The following ST3GAL3 variants were observed in gnomAD, a reference collection of about 807,000 sequenced individuals.
ST3GAL3 encodes ST3 beta-galactoside alpha-2,3-sialyltransferase 3, also known as CMP-N-acetylneuraminate-beta-1,4-galactoside alpha-2,3-sialyltransferase.
In ST3GAL3, 21 loss-of-function variants were observed where a neutral mutation model predicts 50.1. That is an observed-to-expected ratio of 0.42 (90% CI 0.30 to 0.60). ST3GAL3 has a LOEUF of 0.60. ST3GAL3 is among the 20% of genes least tolerant of loss of function. The probability of loss-of-function intolerance (pLI) is 0.19; values close to 1 mark genes in which losing one functional copy is unlikely to be tolerated. For synonymous variants in ST3GAL3, 183 were observed against 190.0 expected (o/e 0.96, Z 0.30); for missense variants, 353 against 489.4 (o/e 0.72, Z 2.63).
At chr1:43,812,109 A>G (rs2060629241) in intron 3 of ST3GAL3, among the ~76,000 whole-genome samples, 1 of 152,218 alleles carries the variant, frequency 6.6e-6, no homozygotes, top group South Asian at 2.1e-4. Context: ...GTCAACAAAT[A>G]TTTATTGAGC....
intron 3 of ST3GAL3, among the ~76,000 whole-genome samples, chr1:43,797,244 A>T (rs1467074537): frequency 6.6e-6 from 1 of 152,224 alleles, no homozygotes; most frequent in Non-Finnish European, 1.5e-5. Context: ...TGAAGGTCTT[A>T]GCAAACAAAA....
intron 1 of ST3GAL3, among the ~76,000 whole-genome samples, chr1:43,728,794 C>A (rs542472561): frequency 6.1e-4 from 93 of 152,264 alleles, no homozygotes; most frequent in Non-Finnish European, 1.1e-3. Context: ...ACTATCCTCA[C>A]TATATTTATT....
In ST3GAL3 at chr1:43,816,876, TAGTCCAGTGCTGTCTTCAGA is replaced by T. The variant is rs1279926231; in HGVS notation, c.209+1959_209+1978del. ...CTGCCTCTAGCTGCAAAGGTTTTTC[TAGTCCAGTGCTGTCTTCAGA>T]AGTCCAGTGCTGTCTCTCCTGTCTC... On this transcript the variant is annotated intron_variant, in intron 4 of 11. Transcript: ENST00000347631. Among the ~76,000 whole-genome samples, 6 of 152,328 alleles carry T rather than the reference TAGTCCAGTGCTGTCTTCAGA, an allele frequency of 3.9e-5. No homozygotes were observed. In the East Asian group the frequency reaches 1.2e-3, roughly 29 times the overall value.
chr1:43,761,794 C>CA (rs879756433), intron 2 of ST3GAL3, among the ~76,000 whole-genome samples: 1 of 150,468 alleles, frequency 6.6e-6, no homozygotes, highest in Non-Finnish European at 1.5e-5. Context: ...ACTAAAAATA[C>CA]AAAAAAATTA....
chr1:43,881,257 C>T (rs146529819), intron 5 of ST3GAL3, among the ~76,000 whole-genome samples: 1,565 of 152,288 alleles, frequency 0.01, 30 homozygotes, highest in African/African-American at 0.036. Context: ...GTGATCCACC[C>T]GCCTCAGCCT....
At chr1:43,730,934 A>T (rs1430199149) in intron 1 of ST3GAL3, among the ~76,000 whole-genome samples, 1 of 152,162 alleles carries the variant, frequency 6.6e-6, no homozygotes. Context: ...TGGATAAATA[A>T]ATACCTTGTC....
intron 2 of ST3GAL3, among the ~76,000 whole-genome samples, chr1:43,762,419 T>C (rs1488939062): frequency 1.3e-5 from 2 of 152,146 alleles, no homozygotes; most frequent in Non-Finnish European, 2.9e-5. Flanking sequence ...CTTAAATTAA[T>C]GCATGGCTAC....
chr1:43,746,585 C>T (rs1278884834), intron 2 of ST3GAL3, among the ~76,000 whole-genome samples: 1 of 151,248 alleles, frequency 6.6e-6, no homozygotes, highest in Non-Finnish European at 1.5e-5. Flanking sequence ...GCCTCAGCCT[C>T]CCGAGTAGCT....
chr1:43,899,649 C>A lies in ST3GAL3; in HGVS notation c.666C>A (p.Arg222=), dbSNP rs773310944. The A allele has an allele frequency of 1.2e-6, 2 of 1,614,040 alleles. No homozygotes were observed. The highest frequency in any genetic ancestry group is 2.2e-5 in the South Asian group (2 of 91,088). ...GAMQRPEQYE[R]DSLFVLAGFK... Reference sequence around the variant, plus strand: ...TGCAGCGGCCTGAGCAGTACGAGCGCGATTCTCTCTTTGTCCTCGCCGGCT... The same window carrying A: ...TGCAGCGGCCTGAGCAGTACGAGCGAGATTCTCTCTTTGTCCTCGCCGGCT... Residue 222 remains arginine, a synonymous_variant, in exon 9 of 12, where the codon CGC becomes CGA. Coordinates refer to ENST00000347631, the MANE Select transcript of ST3GAL3 (RefSeq NM_006279.5). This position sits in a 1 kb window ranked among gnomAD's most constrained non-coding sequence, Gnocchi z 5.4.
chr1:43,824,859 C>T, intron 4 of ST3GAL3: 1 of 921,538 alleles, frequency 1.1e-6, no homozygotes, highest in South Asian at 1.3e-5. Flanking sequence ...AGCGAGGACA[C>T]AGCCTTTGCA....
At chr1:43,813,648 T>A (rs1236320757) in intron 3 of ST3GAL3, among the ~76,000 whole-genome samples, 1 of 152,182 alleles carries the variant, frequency 6.6e-6, no homozygotes, top group African/African-American at 2.4e-5. Flanking sequence ...CTGGCCTTAA[T>A]TGGCCTTGCA....
At chr1:43,911,628 GATAT>G (rs1557496877) in intron 9 of ST3GAL3, among the ~76,000 whole-genome samples, 2 of 131,886 alleles carry the variant, frequency 1.5e-5, no homozygotes, top group African/African-American at 2.8e-5. Context: ...TATATCTATA[GATAT>G]CTATATCTAT....
intron 2 of ST3GAL3, among the ~76,000 whole-genome samples, chr1:43,791,267 G>A (rs2058042646): frequency 6.6e-6 from 1 of 152,060 alleles, no homozygotes; most frequent in African/African-American, 2.4e-5. Context: ...TAGTTAAATA[G>A]TTTGTTCTTT....
At chr1:43,919,676 G>C (rs1430097983) in intron 9 of ST3GAL3, 1 of 153,814 alleles carries the variant, frequency 6.5e-6, no homozygotes, top group Non-Finnish European at 1.4e-5. Flanking sequence ...GGAGCTAAAG[G>C]CCTCTGTGTT....
intron 5 of ST3GAL3, among the ~76,000 whole-genome samples, chr1:43,875,009 T>G (rs1204395936): frequency 1.3e-5 from 2 of 152,170 alleles, no homozygotes; most frequent in Admixed American, 1.3e-4. Flanking sequence ...TATTCAGCTG[T>G]GTAGGTACAT....
At chr1:43,832,043 T>C (rs1178156661) in intron 4 of ST3GAL3, among the ~76,000 whole-genome samples, 1 of 151,898 alleles carries the variant, frequency 6.6e-6, no homozygotes, top group African/African-American at 2.4e-5. Context: ...AGAAAGAGGA[T>C]GTGTTTTTAT....
rs946811786 is a variant in ST3GAL3, at chr1:43,799,730, C to G, written c.166+7581C>G. The G allele has an allele frequency of 5.3e-5, 8 of 152,188 alleles. No individual in the cohort carries two copies. In the South Asian group the frequency reaches 6.2e-4, roughly 12 times the overall value. 9.4% of individuals were successfully genotyped at this position (152,188 alleles called of 1,614,324 possible). A position where few individuals can be genotyped will look rare whatever the true frequency, so the allele number is the denominator to read the frequency against. On this transcript the variant is annotated intron_variant, in intron 3 of 11. Transcript: ENST00000347631. ...ATTTCAGTGAGTATTTATGCCCTAT[C>G]TATCCCATGAGGTGGTAAGCTCCAT...
At chr1:43,871,198 A>G (rs577754611) in intron 5 of ST3GAL3, among the ~76,000 whole-genome samples, 43 of 152,336 alleles carry the variant, frequency 2.8e-4, no homozygotes, top group African/African-American at 1.0e-3. Context: ...GGACAACAGC[A>G]GGCTCCAGTG....
At chr1:43,832,981 G>C (rs1420650478) in intron 4 of ST3GAL3, among the ~76,000 whole-genome samples, 1 of 152,188 alleles carries the variant, frequency 6.6e-6, no homozygotes, top group Non-Finnish European at 1.5e-5. Flanking sequence ...TGGGTTGTTA[G>C]GCAGTGTGCT....
Sources: allele counts gnomAD v4.1 joint callset (sites outside exome capture counted in the v4.1 genomes callset), GRCh38; gene constraint gnomAD v4.1.1; non-coding constraint Gnocchi (gnomAD v3.1); transcripts MANE v1.5; gene names NCBI Gene and HGNC (gene_info 2026-07-23, HGNC 2026-07-21).